HSPA12A: variants seen among roughly 807,000 people sequenced by gnomAD.
HSPA12A encodes the protein heat shock protein family A (Hsp70) member 12A.
Under a neutral mutation model 69.2 loss-of-function variants are expected in HSPA12A, and 28 were observed. That is an observed-to-expected ratio of 0.40 (90% CI 0.30 to 0.55). The LOEUF (loss-of-function observed/expected upper bound fraction) is 0.55, where lower values mean the gene tolerates loss of function less well. Among genes scored for constraint, HSPA12A ranks in the 20% least tolerant of loss-of-function variants. The pLI is 0.38. For synonymous variants in HSPA12A, 345 were observed against 370.5 expected (o/e 0.93, Z 0.79); for missense variants, 686 against 900.7 (o/e 0.76, Z 3.05).
intron 2 of HSPA12A, among the ~76,000 whole-genome samples, chr10:116,778,874 G>A (rs1313371749): frequency 6.6e-6 from 1 of 152,228 alleles, no homozygotes; most frequent in Non-Finnish European, 1.5e-5. Context: ...CGCTGAGGCT[G>A]CAGTGAGCTG....
intron 1 of HSPA12A, among the ~76,000 whole-genome samples, chr10:116,734,386 G>A (rs1183145147): frequency 4.7e-5 from 7 of 150,086 alleles, no homozygotes; most frequent in Non-Finnish European, 8.9e-5. Flanking sequence ...GGTGGTGGAG[G>A]CTGCAGTGAG....
chr10:116,779,608 A>G (rs1364955043), intron 2 of HSPA12A, among the ~76,000 whole-genome samples: 1 of 152,192 alleles, frequency 6.6e-6, no homozygotes, highest in Non-Finnish European at 1.5e-5. Context: ...GCCCGAACAA[A>G]GACAACAGGA....
intron 2 of HSPA12A, among the ~76,000 whole-genome samples, chr10:116,813,794 G>C (rs1245741893): frequency 6.6e-6 from 1 of 152,060 alleles, no homozygotes; most frequent in Non-Finnish European, 1.5e-5. Flanking sequence ...TGAGGTAAGG[G>C]AATCACTTGA....
At chr10:116,720,804 C>T (rs1385572839) in intron 1 of HSPA12A, among the ~76,000 whole-genome samples, 1 of 152,196 alleles carries the variant, frequency 6.6e-6, no homozygotes, top group Non-Finnish European at 1.5e-5. Flanking sequence ...TAAGAAAATG[C>T]TCCTTCCAGG....
At chr10:116,811,018 G>A (rs1589720079) in intron 2 of HSPA12A, among the ~76,000 whole-genome samples, 1 of 152,140 alleles carries the variant, frequency 6.6e-6, no homozygotes, top group East Asian at 1.9e-4. Flanking sequence ...TGCCACAAGG[G>A]AAACAAACCA....
At chr10:116,813,572 G>C (rs1225940955) in intron 2 of HSPA12A, among the ~76,000 whole-genome samples, 1 of 151,554 alleles carries the variant, frequency 6.6e-6, no homozygotes, top group African/African-American at 2.4e-5. Context: ...TATACATAAT[G>C]TCTGGCATTC....
At chr10:116,738,959 G>A (rs1258616237) in intron 1 of HSPA12A, among the ~76,000 whole-genome samples, 1 of 152,218 alleles carries the variant, frequency 6.6e-6, no homozygotes, top group African/African-American at 2.4e-5. Context: ...GGATCCCATA[G>A]CCAGAACCCT....
At position 116,711,807 on chromosome 10, in the gene HSPA12A, G is replaced by A. The variant is rs997589651; in HGVS notation, c.41-4522C>T. ...GCCTCCCGAGTAGCTGGGACTACAG[G>A]CGCCTGCCAACGCGCCCAGCTAATG... On this transcript the variant is annotated intron_variant, in intron 1 of 11. Coordinates refer to ENST00000369209, the MANE Select transcript of HSPA12A (RefSeq NM_025015.3). Among the ~76,000 whole-genome samples, 7 of 151,518 alleles carry A rather than the reference G, an allele frequency of 4.6e-5. No individual in the cohort carries two copies. The East Asian group carries it at 1.4e-3, about 29-fold the overall frequency.
upstream of HSPA12A, among the ~76,000 whole-genome samples, chr10:116,744,715 G>A (rs1055870221): frequency 3.3e-5 from 5 of 152,238 alleles, no homozygotes; most frequent in Admixed American, 2.6e-4. Flanking sequence ...GCCCGCCAGC[G>A]AGGGGCTGTT....
rs1849169466 is a variant in HSPA12A, at chr10:116,674,571, T to A, written c.*210A>T. Reference sequence around the variant, plus strand: ...TCCTCCAGGATCCTTTAATTTTCTATGCCTAAACCTTAATCTTAATTTCTG... The same window carrying A: ...TCCTCCAGGATCCTTTAATTTTCTAAGCCTAAACCTTAATCTTAATTTCTG... On this transcript the variant is annotated 3_prime_UTR_variant, in exon 12 of 12. Coordinates refer to ENST00000369209, the MANE Select transcript of HSPA12A (RefSeq NM_025015.3). The A allele has an allele frequency of 1.7e-6, 1 of 597,014 alleles. No homozygotes were observed. The highest frequency in any genetic ancestry group is 3.0e-5 in the Admixed American group (1 of 33,040). The allele number at this position is 597,014 out of a possible 1,614,324, so 37.0% of individuals were successfully genotyped here.
At chr10:116,747,701 G>A (rs1851679851) in intron 2 of HSPA12A, among the ~76,000 whole-genome samples, 2 of 152,206 alleles carry the variant, frequency 1.3e-5, no homozygotes, top group Admixed American at 6.5e-5. Flanking sequence ...AAATGGTCCA[G>A]TAAATAAATA....
intron 2 of HSPA12A, among the ~76,000 whole-genome samples, chr10:116,774,154 C>T (rs1020404925): frequency 5.9e-5 from 9 of 151,456 alleles, no homozygotes; most frequent in Admixed American, 2.0e-4. Flanking sequence ...GGACTACAGG[C>T]GCCCGCCACT....
chr10:116,718,355 G>T (rs1378783902), intron 1 of HSPA12A, among the ~76,000 whole-genome samples: 1 of 152,156 alleles, frequency 6.6e-6, no homozygotes, highest in Admixed American at 6.5e-5. Flanking sequence ...GAAGGTGAAG[G>T]TTCATCCTTC....
chr10:116,794,322 A>G (rs1844769516), intron 2 of HSPA12A, among the ~76,000 whole-genome samples: 1 of 152,244 alleles, frequency 6.6e-6, no homozygotes, highest in Admixed American at 6.5e-5. Flanking sequence ...ATTAACAAGA[A>G]TCCCAACAAA....
At chr10:116,767,389 C>G (rs911154361) in intron 2 of HSPA12A, among the ~76,000 whole-genome samples, 1 of 152,174 alleles carries the variant, frequency 6.6e-6, no homozygotes, top group Non-Finnish European at 1.5e-5. Context: ...AGACAAGCAG[C>G]ACTGTCCCTG....
rs782148516 is a variant in HSPA12A, at chr10:116,681,186, C to T, written c.993G>A (p.Pro331=). The change falls in exon 9 of 12, where the codon CCG becomes CCA. Residue 331 remains proline (P), a synonymous_variant. Transcript: ENST00000369209. ...TATACAGTTCCTTAAGGTGTCCCTC[C>T]GGTAACCGGATCTGATGGACTGTCA... ...VDLTVHQIRL[P]EGHLKELYKA... is the part of the protein sequence containing the mutation. 1.7e-5 allele frequency: 28 copies of T among 1,613,988 alleles called. No homozygotes were observed. The highest frequency in any genetic ancestry group is 3.3e-4 in the Middle Eastern group (2 of 6,082).
intron 2 of HSPA12A, chr10:116,830,433 T>G (rs1845592882): frequency 6.6e-6 from 1 of 152,202 alleles, no homozygotes; most frequent in Non-Finnish European, 1.5e-5. Flanking sequence ...TTAATTTATA[T>G]GCATAGATGT....
chr10:116,695,621 C>T (rs1849869448), intron 5 of HSPA12A, among the ~76,000 whole-genome samples: 1 of 152,032 alleles, frequency 6.6e-6, no homozygotes, highest in South Asian at 2.1e-4. Flanking sequence ...TCCAGACCAT[C>T]CTGGCTAACA....
chr10:116,705,034 G>C (rs1850198440), intron 3 of HSPA12A, 117 bp downstream of exon 3: 1 of 1,284,230 alleles, frequency 7.8e-7, no homozygotes, highest in East Asian at 2.5e-5. Context: ...CTTGAGCCAA[G>C]CTGGAACAGA....
Sources: gnomAD v4.1 joint callset for allele counts (sites outside exome capture counted in the v4.1 genomes callset) on GRCh38, gnomAD v4.1.1 for gene constraint, MANE v1.5 for transcripts, NCBI Gene and HGNC (gene_info 2026-07-23, HGNC 2026-07-21) for gene names.